Variants in PXDN observed in about 807,000 individuals in gnomAD.
The protein encoded by PXDN is peroxidasin homolog.
Under a neutral mutation model 140.3 loss-of-function variants are expected in PXDN, and 77 were observed. The ratio of observed to expected loss-of-function variants is 0.55; its 90% CI spans 0.46 to 0.66. PXDN has a LOEUF of 0.66. Among genes scored for constraint, PXDN ranks in the 30% least tolerant of loss-of-function variants. PXDN has a pLI of 0.00. For synonymous variants in PXDN, 911 were observed against 857.4 expected (o/e 1.06, Z -1.09); for missense variants, 1,838 against 2,039.5 (o/e 0.90, Z 1.90).
Position 1,649,771 on chromosome 2 carries a change from TC to T in PXDN, c.2105-97del. On this transcript the variant is annotated intron_variant, in intron 16 of 22. Transcript: ENST00000252804. This position sits in a 1 kb window ranked among gnomAD's most constrained non-coding sequence, Gnocchi z 7.1. ...CACCTCTGCCGCTGACATGGGGCTATCTACCCCCAGCTCATGAAACCTGTTG... is the reference window on the plus strand; with the variant it reads ...CACCTCTGCCGCTGACATGGGGCTATTACCCCCAGCTCATGAAACCTGTTG... The T allele has an allele frequency of 7.3e-7, 1 of 1,372,856 alleles. No homozygotes were observed. The highest frequency in any genetic ancestry group is 1.0e-6 in the Non-Finnish European group (1 of 975,540). The allele number at this position is 1,372,856 out of a possible 1,614,324, so 85.0% of individuals were successfully genotyped here. A position where few individuals can be genotyped will look rare whatever the true frequency, so the allele number is the denominator to read the frequency against.
intron 14 of PXDN, among the ~76,000 whole-genome samples, chr2:1,655,680 GGAAACCTGCCCCCTCCTGACT>G (rs769516580): frequency 1.2e-3 from 122 of 105,702 alleles, no homozygotes; most frequent in Non-Finnish European, 1.5e-3. Flanking sequence ...CCCTCCTGAC[GGAAACCTGCCCCCTCCTGACT>G]GAAACCTGCC....
intron 19 of PXDN, 58 bp downstream of exon 19, chr2:1,643,310 A>C: frequency 6.5e-7 from 1 of 1,546,130 alleles, no homozygotes; most frequent in South Asian, 1.1e-5. Context: ...AGCACCCGCC[A>C]AGCAGTCACC....
intron 1 of PXDN, among the ~76,000 whole-genome samples, chr2:1,708,362 G>A (rs1684671196): frequency 6.6e-6 from 1 of 152,300 alleles, no homozygotes; most frequent in Admixed American, 6.5e-5. Flanking sequence ...TTTGGTCTGG[G>A]CCTGGAGTTT....
At position 1,744,318 on chromosome 2, in the gene PXDN, G is replaced by A; in HGVS notation, c.138C>T (p.Thr46=). The change falls in exon 1 of 23, where the codon ACC becomes ACT. Residue 46 remains threonine (T), a synonymous_variant. Coordinates refer to ENST00000252804, the MANE Select transcript of PXDN (RefSeq NM_012293.3). ...CPSRCLCFRT[T]VRCMHLLLEA... ...CCAGCAGCAGATGCATGCAGCGCAC[G>A]GTGGTGCGGAAGCACAGGCAGCGGC... is the stretch of plus-strand genomic sequence containing the variant. 1 of 1,528,572 alleles carries A rather than the reference G, an allele frequency of 6.5e-7. No individual in the cohort carries two copies. The allele number at this position is 1,528,572 out of a possible 1,614,324, so 94.7% of individuals were successfully genotyped here.
intron 6 of PXDN, among the ~76,000 whole-genome samples, chr2:1,680,918 G>C (rs1314781953): frequency 2.0e-5 from 3 of 152,194 alleles, no homozygotes; most frequent in African/African-American, 7.2e-5. Flanking sequence ...AGCTGACCTG[G>C]AAAGTTTCTA....
At chr2:1,641,060 T>C (rs1682716492) in intron 19 of PXDN, among the ~76,000 whole-genome samples, 1 of 152,244 alleles carries the variant, frequency 6.6e-6, no homozygotes, top group Non-Finnish European at 1.5e-5. Flanking sequence ...TTCCCAGACC[T>C]AGTGCAGACC....
chr2:1,718,140 T>C (rs1684936712), intron 1 of PXDN, among the ~76,000 whole-genome samples: 1 of 149,768 alleles, frequency 6.7e-6, no homozygotes, highest in Non-Finnish European at 1.5e-5. Flanking sequence ...TAACCTACTC[T>C]GCTAACCGAC....
chr2:1,680,606 C>A (rs1444494370), intron 6 of PXDN, among the ~76,000 whole-genome samples: 75 of 152,166 alleles, frequency 4.9e-4, no homozygotes, highest in Non-Finnish European at 7.3e-5. Context: ...AAGGCACTAA[C>A]CGTAGAGGCG....
chr2:1,708,000 C>T (rs1684659840), intron 1 of PXDN, among the ~76,000 whole-genome samples: 1 of 152,244 alleles, frequency 6.6e-6, no homozygotes, highest in African/African-American at 2.4e-5. Flanking sequence ...AGCTCTTCTC[C>T]AGCTGGAACA....
At chr2:1,679,569 G>GGT (rs1256818237) in intron 7 of PXDN, among the ~76,000 whole-genome samples, 8 of 129,190 alleles carry the variant, frequency 6.2e-5, no homozygotes, top group South Asian at 2.8e-4. Flanking sequence ...GTGTGTAAAT[G>GGT]GTGTGTGTGG....
chr2:1,654,333 A>T, intron 15 of PXDN, 67 bp downstream of exon 15: 1 of 1,106,452 alleles, frequency 9.0e-7, no homozygotes. Flanking sequence ...TGCATTCTTT[A>T]ATCACTCCCA....
At chr2:1,743,692 GA>G (rs1685607459) in intron 1 of PXDN, among the ~76,000 whole-genome samples, 1 of 98,088 alleles carries the variant, frequency 1.0e-5, no homozygotes, top group African/African-American at 4.9e-5. Flanking sequence ...AGGGGAGGAG[GA>G]GGAGGAAGGG....
In PXDN at chr2:1,643,370, T is replaced by A. The variant is rs1250668032; in HGVS notation, c.3950A>T (p.Glu1317Val). The change falls in exon 19 of 23, where the codon GAA becomes GTA. Residue 1317 changes from glutamate to valine, a missense_variant and splice_region_variant. Transcript: ENST00000252804. ...GACATGGTGCCCCTGGCACGCACCT[T>A]CACAGCAGTCCTGCCACACCCGGAG... is the stretch of plus-strand genomic sequence containing the variant. Reference protein sequence around the residue: ...VDLRVWQDCCEDCRTRGQFNA... With the variant: ...VDLRVWQDCCVDCRTRGQFNA... 2 of 1,613,272 alleles carry A rather than the reference T, an allele frequency of 1.2e-6. No individual in the cohort carries two copies. The highest frequency in any genetic ancestry group is 1.3e-5 in the African/African-American group (1 of 74,928).
At position 1,687,088 on chromosome 2, in the gene PXDN, G is replaced by GA. The variant is rs1684077642; in HGVS notation, c.416+543dup. On this transcript the variant is annotated intron_variant, in intron 4 of 22. Transcript: ENST00000252804. The surrounding 1 kb of genome is among the most constrained non-coding windows in gnomAD (Gnocchi z 4.0). The stretch of plus-strand genomic sequence containing the variant: ...AAAGTACGACTTCACGTTGGCCAAA[G>GA]AAACTAAGAGCGTTTCATGACACAC... Among the ~76,000 whole-genome samples the GA allele has an allele frequency of 6.6e-6, 1 of 152,216 alleles. No individual in the cohort carries two copies. Among genetic ancestry groups the GA allele is most frequent in the African/African-American group, 2.4e-5 (1 of 41,454 alleles).
rs762150649 is a variant in PXDN, at chr2:1,639,334, C to T, written c.4041G>A (p.Pro1347=). ...TTTTCCGTGGTCTTGTTTTCTTGGT[C>T]GGCTTGTCCTCCTGGTAGCTGAACT... ...SLEFSYQEDK[P]TKKTRPRKIP... The change falls in exon 20 of 23, where the codon CCG becomes CCA. Residue 1347 remains proline, a synonymous_variant. Transcript: ENST00000252804. This position sits in a 1 kb window ranked among gnomAD's most constrained non-coding sequence, Gnocchi z 5.0. The T allele has an allele frequency of 1.2e-5, 19 of 1,613,810 alleles. No individual in the cohort carries two copies. Among genetic ancestry groups the T allele is most frequent in the Admixed American group, 3.3e-5 (2 of 59,986 alleles).
rs762632960 is a variant in PXDN, at chr2:1,648,626, C to T, written c.3154G>A (p.Gly1052Ser). The change falls in exon 17 of 23, where the codon GGC (glycine) becomes AGC (serine). Residue 1052 changes from glycine (G) to serine (S), a missense_variant. Transcript: ENST00000252804. The surrounding 1 kb of genome is among the most constrained non-coding windows in gnomAD (Gnocchi z 8.9). ...VGMRTLGEYHGYDPGINAGIF... is the reference protein window; with the variant it reads ...VGMRTLGEYHSYDPGINAGIF... Reference sequence around the variant, plus strand: ...CCAGCATTGATGCCGGGGTCGTAGCCGTGGTACTCTCCCAGCGTCCTCATG... The same window carrying T: ...CCAGCATTGATGCCGGGGTCGTAGCTGTGGTACTCTCCCAGCGTCCTCATG... The T allele has an allele frequency of 1.5e-5, 24 of 1,612,232 alleles. No homozygotes were observed. The highest frequency in any genetic ancestry group is 1.7e-5 in the Non-Finnish European group (20 of 1,179,434).
At chr2:1,736,511 A>G (rs1380804100) in intron 1 of PXDN, among the ~76,000 whole-genome samples, 1 of 152,116 alleles carries the variant, frequency 6.6e-6, no homozygotes, top group Non-Finnish European at 1.5e-5. Context: ...AACAATTACA[A>G]TAGTAACATA....
chr2:1,711,457 T>TCTCCACCAGCCCCCG (rs1684775900), intron 1 of PXDN, among the ~76,000 whole-genome samples: 1 of 82,234 alleles, frequency 1.2e-5, no homozygotes, highest in African/African-American at 7.3e-5. Context: ...CAGCACCCAC[T>TCTCCACCAGCCCCCG]CTCCACCAGC....
intron 7 of PXDN, 72 bp from the exon 8 acceptor site, chr2:1,677,116 G>C (rs1683737328): frequency 1.5e-6 from 2 of 1,337,892 alleles, no homozygotes; most frequent in Non-Finnish European, 2.0e-6. Flanking sequence ...AACACACGCT[G>C]AGTTCTCTGT....
Sources: allele counts gnomAD v4.1 joint callset (sites outside exome capture counted in the v4.1 genomes callset), GRCh38; gene constraint gnomAD v4.1.1; non-coding constraint Gnocchi (gnomAD v3.1); transcripts MANE v1.5; gene names NCBI Gene and HGNC (gene_info 2026-07-23, HGNC 2026-07-21).